RORB: variants seen among roughly 807,000 people sequenced by gnomAD.
RORB encodes the protein nuclear receptor ROR-beta.
Under a neutral mutation model 59.1 loss-of-function variants are expected in RORB, and 6 were observed. The ratio of observed to expected loss-of-function variants is 0.10; its 90% confidence interval spans 0.06 to 0.20. The LOEUF (loss-of-function observed/expected upper bound fraction) is 0.20. Among genes scored for constraint, RORB ranks in the 10% least tolerant of loss-of-function variants. The probability of loss-of-function intolerance (pLI) is 1.00; values close to 1 mark genes in which losing one functional copy is unlikely to be tolerated. For missense variants in RORB, 320 were observed against 560.5 expected (o/e 0.57, Z 4.33); for synonymous variants, 215 against 204.5 (o/e 1.05, Z -0.44).
chr9:74,606,486 G>A (rs963408057), intron 1 of RORB, among the ~76,000 whole-genome samples: 1 of 152,212 alleles, frequency 6.6e-6, no homozygotes. Context: ...GTCCCAGGAT[G>A]AGCGAGGGAA....
intron 1 of RORB, among the ~76,000 whole-genome samples, chr9:74,544,218 T>C (rs1826455265): frequency 6.6e-6 from 1 of 152,212 alleles, no homozygotes; most frequent in Non-Finnish European, 1.5e-5. Context: ...ATTATCCTTC[T>C]GATTTGAGGA....
chr9:74,567,304 G>A (rs1432092371), intron 1 of RORB, among the ~76,000 whole-genome samples: 3 of 152,104 alleles, frequency 2.0e-5, no homozygotes, highest in Non-Finnish European at 4.4e-5. Context: ...TGGAATTATG[G>A]GTGTGAGCCA....
chr9:74,688,203 A>G lies in RORB; in HGVS notation c.*2585A>G, dbSNP rs1587425603. 1 of 152,194 alleles carries G rather than the reference A, an allele frequency of 6.6e-6. No individual in the cohort carries two copies. Among genetic ancestry groups the G allele is most frequent in the South Asian group, 2.1e-4 (1 of 4,822 alleles). 9.4% of individuals were successfully genotyped at this position (152,194 alleles called of 1,614,324 possible). A position where few individuals can be genotyped will look rare whatever the true frequency, so the allele number is the denominator to read the frequency against. On this transcript the variant is annotated 3_prime_UTR_variant, in exon 10 of 10. Coordinates refer to ENST00000376896, the MANE Select transcript of RORB (RefSeq NM_006914.4). Reference sequence around the variant, plus strand: ...ACCTTTTGAAGCTGGGAGGAAGGAAACAGAGCTAGCATCTGAACCAGAGCA... The same window carrying G: ...ACCTTTTGAAGCTGGGAGGAAGGAAGCAGAGCTAGCATCTGAACCAGAGCA...
intron 4 of RORB, among the ~76,000 whole-genome samples, chr9:74,648,848 A>G (rs889801518): frequency 3.3e-5 from 5 of 152,210 alleles, no homozygotes; most frequent in African/African-American, 1.2e-4. Context: ...TTAAAGAGTG[A>G]GCTGCTGTAC....
intron 4 of RORB, 61 bp downstream of exon 4, chr9:74,642,876 C>G: frequency 7.6e-7 from 1 of 1,322,936 alleles, no homozygotes; most frequent in Non-Finnish European, 1.0e-6. Flanking sequence ...TTACCTTGGT[C>G]CTATTTAGTA....
Position 74,686,344 on chromosome 9 carries a change from T to C in RORB, c.*726T>C, listed in dbSNP as rs1317977807. 2.0e-5 allele frequency: 3 copies of C among 152,648 alleles called. No homozygotes were observed. Among genetic ancestry groups the C allele is most frequent in the Non-Finnish European group, 2.9e-5 (2 of 68,032 alleles). The allele number at this position is 152,648 out of a possible 1,614,324, so 9.5% of individuals were successfully genotyped here. ...TCTACAAAGGAATAAACATAATGTGTGGCCTCTATATACAAACTCTATTTC... is the reference window on the plus strand; with the variant it reads ...TCTACAAAGGAATAAACATAATGTGCGGCCTCTATATACAAACTCTATTTC... On this transcript the variant is annotated 3_prime_UTR_variant, in exon 10 of 10. Coordinates refer to ENST00000376896, the MANE Select transcript of RORB (RefSeq NM_006914.4).
intron 7 of RORB, among the ~76,000 whole-genome samples, chr9:74,666,027 C>T (rs1486821625): frequency 6.6e-6 from 1 of 152,162 alleles, no homozygotes; most frequent in Non-Finnish European, 1.5e-5. Flanking sequence ...TGGCTCATGC[C>T]TGTAATCCCA....
chr9:74,551,111 C>T lies in RORB; in HGVS notation c.7+53128C>T, dbSNP rs116846139. Reference sequence around the variant, plus strand: ...AGTGCCGATCTAGAGATAATGTATGCGCACTGACACAAATTAAATTTGTTG... The same window carrying T: ...AGTGCCGATCTAGAGATAATGTATGTGCACTGACACAAATTAAATTTGTTG... On this transcript the variant is annotated intron_variant, in intron 1 of 9. Transcript: ENST00000376896. 8.7e-3 allele frequency among the ~76,000 whole-genome samples: 1,326 copies of T among 152,058 alleles called. 11 individuals carry two copies. The highest frequency in any genetic ancestry group is 0.019 in the Admixed American group (290 of 15,276).
rs1825736096 is a variant in RORB, at chr9:74,497,924, G to A, written c.-53G>A. Reference sequence around the variant, plus strand: ...GAGCGGGATTTTTGGGCTCTCCGGGGTTCGGGCTGGGAGCAGCTTCATGAC... The same window carrying A: ...GAGCGGGATTTTTGGGCTCTCCGGGATTCGGGCTGGGAGCAGCTTCATGAC... On this transcript the variant is annotated 5_prime_UTR_variant, in exon 1 of 10. Transcript: ENST00000376896. The A allele has an allele frequency of 6.2e-6, 10 of 1,606,048 alleles. No individual in the cohort carries two copies. In the Middle Eastern group the frequency reaches 4.9e-4, roughly 79 times the overall value.
intron 2 of RORB, among the ~76,000 whole-genome samples, chr9:74,631,900 A>G (rs1737128258): frequency 6.6e-6 from 1 of 152,192 alleles, no homozygotes; most frequent in African/African-American, 2.4e-5. Flanking sequence ...TACTTCCTCT[A>G]GGCAGATAGA....
At chr9:74,584,710 A>T (rs1822772454) in intron 1 of RORB, among the ~76,000 whole-genome samples, 1 of 152,146 alleles carries the variant, frequency 6.6e-6, no homozygotes, top group Non-Finnish European at 1.5e-5. Context: ...TTCTATTTGA[A>T]GTCATTGTTT....
chr9:74,660,673 G>A lies in RORB; in HGVS notation c.694G>A (p.Glu232Lys), dbSNP rs1196575322. The A allele has an allele frequency of 6.2e-7, 1 of 1,613,836 alleles. No individual in the cohort carries two copies. The highest frequency in any genetic ancestry group is 1.1e-5 in the South Asian group (1 of 91,044). The change falls in exon 5 of 10, where the codon GAA becomes AAA. Residue 232 changes from glutamate to lysine, a missense_variant. Physicochemically the swap from Glu to Lys is moderately conservative, Grantham distance 56. Transcript: ENST00000376896. The stretch of plus-strand genomic sequence containing the variant: ...TTTGGAGACATGTCAATACACCATG[G>A]AAGAGCTGCACCAGCTGGCGTGGCA... ...SHLETCQYTM[E>K]ELHQLAWQTH...
rs370887256 is a variant in RORB, at chr9:74,642,512, A to G, written c.334A>G (p.Ser112Gly). 1 of 1,614,080 alleles carries G rather than the reference A, an allele frequency of 6.2e-7. No homozygotes were observed. The change falls in exon 4 of 10, where the codon AGT becomes GGT. Residue 112 changes from serine to glycine, a missense_variant. Transcript: ENST00000376896. ...GCTGCAGGAACAGCGGCAGCAGCAG[A>G]GTGGGGAGGCAGAAGCCCTTGCCAG... is the stretch of plus-strand genomic sequence containing the variant. ...QRLQEQRQQQ[S>G]GEAEALARVY...
chr9:74,642,823 GA>G lies in RORB; in HGVS notation c.637+10del. ...TAACCATGACTGAAATCGGTAAGTGGAAGTCTCCTCCCAGTGGCTTTTTTTG... is the reference window on the plus strand; with the variant it reads ...TAACCATGACTGAAATCGGTAAGTGGAGTCTCCTCCCAGTGGCTTTTTTTG... On this transcript the variant is annotated intron_variant, in intron 4 of 9. Coordinates refer to ENST00000376896, the MANE Select transcript of RORB (RefSeq NM_006914.4). The G allele has an allele frequency of 6.4e-7, 1 of 1,573,454 alleles. No homozygotes were observed. Among genetic ancestry groups the G allele is most frequent in the South Asian group, 1.2e-5 (1 of 85,990 alleles).
At chr9:74,593,401 G>A (rs2118295609) in intron 1 of RORB, among the ~76,000 whole-genome samples, 1 of 149,328 alleles carries the variant, frequency 6.7e-6, no homozygotes, top group Admixed American at 6.7e-5. Context: ...GGGAGGTGGA[G>A]GTTGCAGTAA....
At chr9:74,536,308 G>A (rs1341312256) in intron 1 of RORB, among the ~76,000 whole-genome samples, 1 of 151,824 alleles carries the variant, frequency 6.6e-6, no homozygotes, top group Non-Finnish European at 1.5e-5. Flanking sequence ...GAGGAGGGGA[G>A]GGAAGAGGAG....
chr9:74,517,485 G>C (rs891275861), intron 1 of RORB, among the ~76,000 whole-genome samples: 1 of 152,106 alleles, frequency 6.6e-6, no homozygotes, highest in African/African-American at 2.4e-5. Flanking sequence ...GCTTTCTCAG[G>C]CAGAACCTAT....
intron 1 of RORB, among the ~76,000 whole-genome samples, chr9:74,570,310 T>C (rs1358145787): frequency 6.6e-6 from 1 of 152,134 alleles, no homozygotes; most frequent in Admixed American, 6.6e-5. Context: ...AATGAATATG[T>C]ATTTGTCATC....
At chr9:74,507,217 G>A (rs576205396) in intron 1 of RORB, among the ~76,000 whole-genome samples, 1 of 152,166 alleles carries the variant, frequency 6.6e-6, no homozygotes, top group South Asian at 2.1e-4. Context: ...TTTACTTGAA[G>A]TGTTACATAT....
Sources: gnomAD v4.1 joint callset for allele counts (sites outside exome capture counted in the v4.1 genomes callset) on GRCh38, gnomAD v4.1.1 for gene constraint, MANE v1.5 for transcripts, NCBI Gene and HGNC (gene_info 2026-07-23, HGNC 2026-07-21) for gene names.